Variants in DNAH12 observed in about 807,000 individuals in gnomAD.
DNAH12 encodes dynein axonemal heavy chain 12, also known as axonemal beta dynein heavy chain 12.
A neutral mutation model predicts 371.5 loss-of-function variants in DNAH12; 285 were observed. That is an observed-to-expected ratio of 0.77 (90% CI 0.70 to 0.85). DNAH12 has a LOEUF of 0.85. DNAH12 is among the 40% of genes least tolerant of loss of function. DNAH12 has a pLI of 0.00. For missense variants in DNAH12, 3,611 were observed against 3,689.4 expected (o/e 0.98, Z 0.55); for synonymous variants, 1,200 against 1,213.0 (o/e 0.99, Z 0.22).
intron 2 of DNAH12, among the ~76,000 whole-genome samples, chr3:57,530,020 AT>A (rs1339197433): frequency 6.6e-6 from 1 of 151,984 alleles, no homozygotes; most frequent in Non-Finnish European, 1.5e-5. Context: ...ATATTTTTTA[AT>A]TTCCATCTGT....
intron 69 of DNAH12, among the ~76,000 whole-genome samples, chr3:57,302,529 G>GTTTATATATATACATA (rs879293648): frequency 6.3e-5 from 3 of 47,856 alleles, no homozygotes; most frequent in East Asian, 2.3e-3. Context: ...GGCATCAGGT[G>GTTTATATATATACATA]TATATATATA....
intron 13 of DNAH12, among the ~76,000 whole-genome samples, chr3:57,481,028 T>C (rs975294328): frequency 9.9e-5 from 15 of 152,210 alleles, no homozygotes; most frequent in East Asian, 1.9e-4. Flanking sequence ...GATGCCCTCT[T>C]TCACCACTCC....
At chr3:57,446,825 G>T in intron 25 of DNAH12, 136 bp from the exon 26 acceptor site, 1 of 970,108 alleles carries the variant, frequency 1.0e-6, no homozygotes, top group Non-Finnish European at 1.4e-6. Flanking sequence ...TTAATTTTTA[G>T]CCCAAATTTT....
chr3:57,376,666 A>G (rs945231609), intron 53 of DNAH12, among the ~76,000 whole-genome samples: 1,570 of 152,292 alleles, frequency 0.01, 19 homozygotes, highest in African/African-American at 0.03. Context: ...CCCTCCAAAC[A>G]TTACAAAAAA....
At chr3:57,475,514 G>A (rs2066496016) in intron 13 of DNAH12, among the ~76,000 whole-genome samples, 1 of 152,044 alleles carries the variant, frequency 6.6e-6, no homozygotes, top group Non-Finnish European at 1.5e-5. Context: ...TTACTACATT[G>A]AACTGTATAC....
intron 29 of DNAH12, among the ~76,000 whole-genome samples, chr3:57,443,641 A>T (rs1200446558): frequency 6.6e-6 from 1 of 152,108 alleles, no homozygotes; most frequent in Non-Finnish European, 1.5e-5. Context: ...GATTACCACA[A>T]TCTAATTAAC....
chr3:57,468,657 C>T lies in DNAH12; in HGVS notation c.2349+79G>A, dbSNP rs572233230. The T allele has an allele frequency of 1.2e-5, 10 of 821,586 alleles. No homozygotes were observed. The South Asian group carries it at 3.0e-4, about 25-fold the overall frequency. The allele number at this position is 821,586 out of a possible 1,614,324, so 50.9% of individuals were successfully genotyped here. ...TAAACATGTAAAACCAGAAGATAGG[C>T]TTTATAATTTATATATTAGGTAACA... On this transcript the variant is annotated intron_variant, in intron 17 of 73. Transcript: ENST00000495027.
Position 57,323,004 on chromosome 3 carries a change from T to C in DNAH12, c.10383+3A>G. The C allele has an allele frequency of 3.9e-6, 6 of 1,551,586 alleles. No homozygotes were observed. Among genetic ancestry groups the C allele is most frequent in the South Asian group, 2.4e-5 (2 of 84,002 alleles). ...ACTTAACTCTATAAGGAAATAAACATACTTTTGAAGATGGATAGCTTGTCA... is the reference window on the plus strand; with the variant it reads ...ACTTAACTCTATAAGGAAATAAACACACTTTTGAAGATGGATAGCTTGTCA... On this transcript the variant is annotated splice_donor_region_variant and intron_variant, in intron 64 of 73. Transcript: ENST00000495027.
chr3:57,410,424 G>C (rs1459658839), intron 39 of DNAH12, among the ~76,000 whole-genome samples: 1 of 152,104 alleles, frequency 6.6e-6, no homozygotes, highest in Non-Finnish European at 1.5e-5. Flanking sequence ...TAAATATTGT[G>C]TGTGTTCTGA....
chr3:57,388,917 G>C (rs1198119696), intron 45 of DNAH12, among the ~76,000 whole-genome samples: 1 of 140,750 alleles, frequency 7.1e-6, no homozygotes, highest in African/African-American at 2.6e-5. Context: ...GGTTGGGGGA[G>C]GGGGGAGGGA....
At chr3:57,348,510 T>C (rs1209960934) in intron 60 of DNAH12, among the ~76,000 whole-genome samples, 1 of 152,176 alleles carries the variant, frequency 6.6e-6, no homozygotes, top group African/African-American at 2.4e-5. Flanking sequence ...GGAGTGATAA[T>C]GATATGTCAA....
At chr3:57,531,319 T>C (rs2068838644) in intron 2 of DNAH12, among the ~76,000 whole-genome samples, 1 of 152,236 alleles carries the variant, frequency 6.6e-6, no homozygotes, top group Non-Finnish European at 1.5e-5. Context: ...TTCAGCACTT[T>C]AAATATTTCA....
chr3:57,355,597 T>C (rs2062780287), intron 59 of DNAH12, among the ~76,000 whole-genome samples: 1 of 152,178 alleles, frequency 6.6e-6, no homozygotes, highest in African/African-American at 2.4e-5. Flanking sequence ...GTTTAATATT[T>C]TGAAGAACTT....
At chr3:57,407,185 C>T (rs1553681540) in intron 40 of DNAH12, among the ~76,000 whole-genome samples, 3 of 151,596 alleles carry the variant, frequency 2.0e-5, no homozygotes, top group East Asian at 1.9e-4. Context: ...GTGTGAGTCA[C>T]TGCGCCCAGC....
chr3:57,322,423 G>A lies in DNAH12; in HGVS notation c.10444C>T (p.Arg3482Trp), dbSNP rs765927452. ...AGATATGATTGAAGGAGATTCAGCC[G>A]AAGACCCGTGGGAGGTTCATTAGTC... Reference protein sequence around the residue: ...KMTNEPPTGLRLNLLQSYLTD... With the variant: ...KMTNEPPTGLWLNLLQSYLTD... The change falls in exon 65 of 74, where the codon CGG (arginine) becomes TGG (tryptophan). Residue 3482 changes from arginine (R) to tryptophan (W), a missense_variant. This residue lies in a region of DNAH12 where 2,266 missense variants were observed against 2,236.9 expected (regional missense o/e 1.01). Transcript: ENST00000495027. 1.9e-5 allele frequency: 30 copies of A among 1,552,050 alleles called. No individual in the cohort carries two copies. The highest frequency in any genetic ancestry group is 1.7e-4 in the Middle Eastern group (1 of 6,020).
chr3:57,518,426 T>C (rs1471486484), intron 4 of DNAH12, among the ~76,000 whole-genome samples: 20 of 152,010 alleles, frequency 1.3e-4, no homozygotes, highest in Non-Finnish European at 7.4e-5. Context: ...TTTGGGAGCC[T>C]GAGGCACAAG....
intron 67 of DNAH12, 56 bp downstream of exon 67, chr3:57,310,661 T>C (rs1332753208): frequency 6.6e-6 from 8 of 1,208,412 alleles, no homozygotes; most frequent in Non-Finnish European, 8.3e-6. Flanking sequence ...CATTTCACCA[T>C]TTGCTGTTAG....
At chr3:57,373,824 A>C (rs1051654694) in intron 55 of DNAH12, among the ~76,000 whole-genome samples, 7 of 152,238 alleles carry the variant, frequency 4.6e-5, no homozygotes, top group Non-Finnish European at 8.8e-5. Flanking sequence ...CTTATTGCCG[A>C]TAAGTTTCAA....
intron 34 of DNAH12, 93 bp downstream of exon 34, chr3:57,428,540 A>C: frequency 6.6e-7 from 1 of 1,514,792 alleles, no homozygotes. Flanking sequence ...AACTGGTTTT[A>C]GTTATTCATT....
Sources: gnomAD v4.1 joint callset for allele counts (sites outside exome capture counted in the v4.1 genomes callset) on GRCh38, gnomAD v4.1.1 for gene constraint, gnomAD v4.1.1 regional missense constraint, MANE v1.5 for transcripts, NCBI Gene and HGNC (gene_info 2026-07-23, HGNC 2026-07-21) for gene names.